SUSD1: variants seen among roughly 807,000 people sequenced by gnomAD.
The protein encoded by SUSD1 is sushi domain containing 1, also known as sushi domain-containing protein 1.
In SUSD1, 65 loss-of-function variants were observed where a neutral mutation model predicts 86.9. The observed-to-expected ratio is 0.75, with a 90% CI of 0.61 to 0.92. SUSD1 has a LOEUF of 0.92. Ranked by LOEUF, SUSD1 falls within the 40% of genes least tolerant of loss-of-function variation. The pLI is 0.00. For missense variants in SUSD1, 850 were observed against 929.7 expected (o/e 0.91, Z 1.11); for synonymous variants, 346 against 350.0 (o/e 0.99, Z 0.13).
intron 2 of SUSD1, among the ~76,000 whole-genome samples, chr9:112,153,489 T>C (rs1040375870): frequency 2.0e-5 from 3 of 152,148 alleles, no homozygotes; most frequent in Admixed American, 6.6e-5. Context: ...TGAGGCTGTT[T>C]AGTAGTTAAG....
intron 10 of SUSD1, among the ~76,000 whole-genome samples, chr9:112,094,128 T>C (rs1830305924): frequency 6.6e-6 from 1 of 152,150 alleles, no homozygotes; most frequent in African/African-American, 2.4e-5. Context: ...AATCAGAACC[T>C]CTGGGATGGG....
At chr9:112,164,011 T>A (rs540112576) in intron 1 of SUSD1, among the ~76,000 whole-genome samples, 57 of 150,064 alleles carry the variant, frequency 3.8e-4, no homozygotes, top group Admixed American at 1.4e-3. Flanking sequence ...AAAAAAAAAA[T>A]AAAAATAAAA....
intron 10 of SUSD1, among the ~76,000 whole-genome samples, chr9:112,089,820 A>G (rs1455542349): frequency 2.1e-5 from 3 of 145,270 alleles, no homozygotes; most frequent in African/African-American, 7.7e-5. Context: ...TCAAAAAAAA[A>G]AAAAAAAAAA....
At chr9:112,152,751 C>T (rs1199709508) in intron 2 of SUSD1, among the ~76,000 whole-genome samples, 40 of 87,450 alleles carry the variant, frequency 4.6e-4, no homozygotes, top group African/African-American at 8.5e-4. Flanking sequence ...TTTTTTTAAT[C>T]TTTTTTTTTT....
At chr9:112,073,460 G>C (rs1035573761) in intron 12 of SUSD1, among the ~76,000 whole-genome samples, 1 of 151,776 alleles carries the variant, frequency 6.6e-6, no homozygotes, top group Non-Finnish European at 1.5e-5. Flanking sequence ...GCTTTCTCAC[G>C]CTCACTCTCT....
At chr9:112,106,950 C>T (rs1396466055) in intron 8 of SUSD1, among the ~76,000 whole-genome samples, 1 of 151,428 alleles carries the variant, frequency 6.6e-6, no homozygotes, top group Non-Finnish European at 1.5e-5. Flanking sequence ...AAACAAAAGA[C>T]ACAGCAAAGT....
At chr9:112,108,822 AAAGAG>A (rs200842801) in intron 8 of SUSD1, among the ~76,000 whole-genome samples, 2,045 of 147,252 alleles carry the variant, frequency 0.014, 111 homozygotes, top group Admixed American at 0.098. Context: ...AGAAAAAAAA[AAAGAG>A]AGAGAGAAAC....
At chr9:112,114,827 C>T (rs1831244668) in intron 6 of SUSD1, among the ~76,000 whole-genome samples, 1 of 152,184 alleles carries the variant, frequency 6.6e-6, no homozygotes, top group Non-Finnish European at 1.5e-5. Context: ...TTCCTCCTTT[C>T]TTTCCTCTGA....
chr9:112,044,998 G>A (rs1827894762), intron 15 of SUSD1, among the ~76,000 whole-genome samples: 1 of 152,160 alleles, frequency 6.6e-6, no homozygotes, highest in Non-Finnish European at 1.5e-5. Context: ...TGAAAAACAT[G>A]ATTACAGATG....
chr9:112,174,000 G>A, intron 1 of SUSD1: 1 of 181,552 alleles, frequency 5.5e-6, no homozygotes, highest in Non-Finnish European at 1.2e-5. Flanking sequence ...GGCTCCCGAA[G>A]CGCCTAGAAC....
At position 112,148,897 on chromosome 9, in the gene SUSD1, C is replaced by T. The variant is rs552099806; in HGVS notation, c.373+347G>A. Among the ~76,000 whole-genome samples, 276 of 138,202 alleles carry T rather than the reference C, an allele frequency of 2.0e-3. 1 individual carries two copies. The highest frequency in any genetic ancestry group is 7.4e-3 in the Middle Eastern group (2 of 272). The allele number at this position is 138,202 out of a possible 152,430, so 90.7% of individuals were successfully genotyped here. A position where few individuals can be genotyped will look rare whatever the true frequency, so the allele number is the denominator to read the frequency against. On this transcript the variant is annotated intron_variant, in intron 3 of 16. Coordinates refer to ENST00000374270, the MANE Select transcript of SUSD1 (RefSeq NM_022486.5). ...CTCCAGCCTGGGCAACAGAGTGAGA[C>T]CCCCCCCTTAAAAAAAAAAAAGTTC...
rs1186441780 is a variant in SUSD1 at position 112,112,752 on chromosome 9, A to G, written c.984+19T>C. ...TGACGTGTCTGTCCTAGCAGGAAAA[A>G]GTAGATCACTTTACTTACCACATAT... On this transcript the variant is annotated intron_variant, in intron 7 of 16. Transcript: ENST00000374270. 1.3e-6 allele frequency: 2 copies of G among 1,563,170 alleles called. No individual in the cohort carries two copies. The highest frequency in any genetic ancestry group is 2.7e-5 in the African/African-American group (2 of 73,926).
chr9:112,148,145 C>T (rs968926542), intron 3 of SUSD1, among the ~76,000 whole-genome samples: 2 of 152,124 alleles, frequency 1.3e-5, no homozygotes, highest in South Asian at 2.1e-4. Flanking sequence ...TTAAATATCA[C>T]GAAGCTTTCC....
At chr9:112,049,164 G>A (rs1020041072) in intron 15 of SUSD1, among the ~76,000 whole-genome samples, 1 of 152,196 alleles carries the variant, frequency 6.6e-6, no homozygotes, top group African/African-American at 2.4e-5. Context: ...TGCTCAGGGA[G>A]TGAACACAGA....
At chr9:112,062,425 T>C (rs1564256815) in intron 13 of SUSD1, among the ~76,000 whole-genome samples, 1 of 152,172 alleles carries the variant, frequency 6.6e-6, no homozygotes, top group Non-Finnish European at 1.5e-5. Context: ...CCGGGTGTGG[T>C]GGTTCAAGCC....
In SUSD1 at chr9:112,175,125, G is replaced by T. The variant is rs1004844377; in HGVS notation, c.103+8C>A. ...CGGCCGCCCGTGCCCGTCCCAGCCC[G>T]CACTCACCGTCGGGGCCCGGCGCTC... On this transcript the variant is annotated splice_region_variant and intron_variant, in intron 1 of 16. Transcript: ENST00000374270. The surrounding 1 kb of genome is among the most constrained non-coding windows in gnomAD (Gnocchi z 4.7). 11 of 1,037,144 alleles carry T rather than the reference G, an allele frequency of 1.1e-5. No homozygotes were observed. The highest frequency in any genetic ancestry group is 1.7e-5 in the African/African-American group (1 of 57,862). 64.2% of individuals were successfully genotyped at this position (1,037,144 alleles called of 1,614,324 possible). A position where few individuals can be genotyped will look rare whatever the true frequency, so the allele number is the denominator to read the frequency against.
chr9:112,126,128 T>C (rs553437606), intron 5 of SUSD1, among the ~76,000 whole-genome samples: 1 of 152,256 alleles, frequency 6.6e-6, no homozygotes, highest in Non-Finnish European at 1.5e-5. Context: ...AAAGAGATGG[T>C]TAATGTTTCA....
chr9:112,068,621 G>C (rs1260678050), intron 12 of SUSD1, among the ~76,000 whole-genome samples: 1 of 151,444 alleles, frequency 6.6e-6, no homozygotes, highest in African/African-American at 2.4e-5. Context: ...AGGATTGCTT[G>C]AGCCCGGGAG....
At chr9:112,051,500 C>T (rs1480753455) in intron 15 of SUSD1, among the ~76,000 whole-genome samples, 1 of 144,418 alleles carries the variant, frequency 6.9e-6, no homozygotes. Flanking sequence ...GGCGCGATCT[C>T]GGCTCACCGC....
Sources: gnomAD v4.1 joint callset for allele counts (sites outside exome capture counted in the v4.1 genomes callset) on GRCh38, gnomAD v4.1.1 for gene constraint, Gnocchi (gnomAD v3.1) non-coding constraint, MANE v1.5 for transcripts, NCBI Gene and HGNC (gene_info 2026-07-23, HGNC 2026-07-21) for gene names.